The following GRM6 variants were observed in gnomAD, a reference collection of about 807,000 sequenced individuals.
GRM6 encodes the protein metabotropic glutamate receptor 6.
A neutral mutation model predicts 78.4 loss-of-function variants in GRM6; 73 were observed. That is an observed-to-expected ratio of 0.93 (90% CI 0.77 to 1.13). GRM6 has a LOEUF of 1.13. Among genes scored for constraint, GRM6 ranks in the 50% most tolerant of loss-of-function variants. GRM6 has a pLI of 0.00. For missense variants in GRM6, 1,251 were observed against 1,256.4 expected (o/e 1.00, Z 0.07); for synonymous variants, 580 against 555.0 (o/e 1.05, Z -0.63).
rs1456149540 is a variant in GRM6, at chr5:178,988,212, A to G, written c.1354+723T>C. On this transcript the variant is annotated intron_variant, in intron 7 of 10. Transcript: ENST00000517717. This position sits in a 1 kb window ranked among gnomAD's most constrained non-coding sequence, Gnocchi z 6.0. ...AGACACGGAGAGAGGTCTGAGTGAC[A>G]GTATGAAATTGGAATGACTTGAACA... Among the ~76,000 whole-genome samples the G allele has an allele frequency of 1.3e-5, 2 of 152,202 alleles. No homozygotes were observed. Among genetic ancestry groups the G allele is most frequent in the Non-Finnish European group, 2.9e-5 (2 of 68,040 alleles).
rs889440821 is a variant in GRM6, at chr5:178,992,951, G to A, written c.505-868C>T. Among the ~76,000 whole-genome samples the A allele has an allele frequency of 1.1e-4, 17 of 152,212 alleles. No individual in the cohort carries two copies. Among genetic ancestry groups the A allele is most frequent in the Admixed American group, 3.3e-4 (5 of 15,292 alleles). ...AGAGAAACAACTGAGGAGACCGAGA[G>A]ACGAGAAAGGCCCAGTGGCCACAGC... On this transcript the variant is annotated intron_variant, in intron 2 of 10. Transcript: ENST00000517717. The surrounding 1 kb of genome is among the most constrained non-coding windows in gnomAD (Gnocchi z 4.9).
At chr5:178,985,776 T>G in intron 9 of GRM6, 1 of 485,182 alleles carries the variant, frequency 2.1e-6, no homozygotes, top group Non-Finnish European at 4.0e-6. Flanking sequence ...TATCTTTTTG[T>G]TTTGAGACAG....
Position 178,992,036 on chromosome 5 carries a change from G to A in GRM6, c.552C>T (p.Ser184=), listed in dbSNP as rs1760686789. ...CCCGGGAGAAGAAGTCATAGCGTGT[G>A]GAGTCGCTGAGCTCCGGGGCTGTGG... ...YASTAPELSD[S]TRYDFFSRVV... Residue 184 remains serine, a synonymous_variant, in exon 3 of 11, where the codon TCC becomes TCT. Coordinates refer to ENST00000517717, the MANE Select transcript of GRM6 (RefSeq NM_000843.4). The surrounding 1 kb of genome is among the most constrained non-coding windows in gnomAD (Gnocchi z 4.9). The A allele has an allele frequency of 1.9e-6, 3 of 1,614,084 alleles. No individual in the cohort carries two copies. The highest frequency in any genetic ancestry group is 4.5e-5 in the East Asian group (2 of 44,872).
Position 178,981,603 on chromosome 5 carries a change from G to T in GRM6, c.*54C>A. 1 of 1,394,616 alleles carries T rather than the reference G, an allele frequency of 7.2e-7. No homozygotes were observed. The highest frequency in any genetic ancestry group is 1.0e-6 in the Non-Finnish European group (1 of 983,004). 86.4% of individuals were successfully genotyped at this position (1,394,616 alleles called of 1,614,324 possible). A position where few individuals can be genotyped will look rare whatever the true frequency, so the allele number is the denominator to read the frequency against. On this transcript the variant is annotated 3_prime_UTR_variant, in exon 11 of 11. Transcript: ENST00000517717. This position sits in a 1 kb window ranked among gnomAD's most constrained non-coding sequence, Gnocchi z 5.1. ...CCGGGCTCTATACAGCTTCCACCTCGAGGCAAGAGGAAGAAAGGAGAGGCA... is the reference window on the plus strand; with the variant it reads ...CCGGGCTCTATACAGCTTCCACCTCTAGGCAAGAGGAAGAAAGGAGAGGCA...
rs115500123 is a variant in GRM6, at chr5:178,991,214, C to T, written c.857+210G>A. ...TGTAAACACAGACACATGTTCTGTG[C>T]GCTATTCAGTCTGGGCTTGTGGCAT... On this transcript the variant is annotated intron_variant, in intron 4 of 10. Coordinates refer to ENST00000517717, the MANE Select transcript of GRM6 (RefSeq NM_000843.4). This position sits in a 1 kb window ranked among gnomAD's most constrained non-coding sequence, Gnocchi z 5.0. Among the ~76,000 whole-genome samples, 1 of 152,080 alleles carries T rather than the reference C, an allele frequency of 6.6e-6. No individual in the cohort carries two copies. The highest frequency in any genetic ancestry group is 2.1e-4 in the South Asian group (1 of 4,822).
chr5:178,985,671 C>A (rs1223127997), intron 9 of GRM6: 6 of 401,382 alleles, frequency 1.5e-5, no homozygotes, highest in African/African-American at 2.2e-5. Context: ...CCACTGCACT[C>A]CAGCCTGGGC....
rs150784083 is a variant in GRM6 at position 178,981,954 on chromosome 5, G to C, written c.2437-100C>G. On this transcript the variant is annotated intron_variant, in intron 10 of 10. Coordinates refer to ENST00000517717, the MANE Select transcript of GRM6 (RefSeq NM_000843.4). This position sits in a 1 kb window ranked among gnomAD's most constrained non-coding sequence, Gnocchi z 5.1. ...ATACTCTGGAGCTGAGTCTGTTTCA[G>C]TTGGGGAACTGGGAATGAGCACTTA... 1.3e-3 allele frequency: 1,127 copies of C among 863,594 alleles called. 9 individuals are homozygous for C. The African/African-American group carries it at 0.016, about 12-fold the overall frequency. 53.5% of individuals were successfully genotyped at this position (863,594 alleles called of 1,614,324 possible). A position where few individuals can be genotyped will look rare whatever the true frequency, so the allele number is the denominator to read the frequency against.
In GRM6 at chr5:178,989,344, G is replaced by A. The variant is rs766159619; in HGVS notation, c.1074C>T (p.Ala358=). The A allele has an allele frequency of 3.2e-5, 52 of 1,613,704 alleles. No individual in the cohort carries two copies. The African/African-American group carries it at 3.9e-4, about 12-fold the overall frequency. The part of the protein sequence containing the change: ...LENNRRNIWF[A]EFWEENFNCK... ...AGTTAAAATTCTCTTCCCAGAACTCGGCGAACCAGATGTTCCTGCGGTTGT... is the reference window on the plus strand; with the variant it reads ...AGTTAAAATTCTCTTCCCAGAACTCAGCGAACCAGATGTTCCTGCGGTTGT... Residue 358 remains alanine, a synonymous_variant, in exon 6 of 11, where the codon GCC becomes GCT. Coordinates refer to ENST00000517717, the MANE Select transcript of GRM6 (RefSeq NM_000843.4).
rs1341522728 is a variant in GRM6, at chr5:178,992,353, G to A, written c.505-270C>T. The A allele has an allele frequency of 6.6e-6, 4 of 602,746 alleles. No homozygotes were observed. The highest frequency in any genetic ancestry group is 1.2e-5 in the Non-Finnish European group (4 of 321,038). The allele number at this position is 602,746 out of a possible 1,614,324, so 37.3% of individuals were successfully genotyped here. On this transcript the variant is annotated intron_variant, in intron 2 of 10. Coordinates refer to ENST00000517717, the MANE Select transcript of GRM6 (RefSeq NM_000843.4). This position sits in a 1 kb window ranked among gnomAD's most constrained non-coding sequence, Gnocchi z 4.9. ...GGTATGCAGGGCTGGGGAGAGGGCA[G>A]GACCGCCACATATACTGGTACAAGC...
Position 178,988,754 on chromosome 5 carries a change from A to G in GRM6, c.1354+181T>C, listed in dbSNP as rs927489588. On this transcript the variant is annotated intron_variant, in intron 7 of 10. Transcript: ENST00000517717. This position sits in a 1 kb window ranked among gnomAD's most constrained non-coding sequence, Gnocchi z 6.0. ...AGGGAACACTGAAGCCTGGGGAGGG[A>G]GCAGTGTTAAAAATTGGGGACCGGA... is the stretch of plus-strand genomic sequence containing the variant. 6.6e-6 allele frequency among the ~76,000 whole-genome samples: 1 copy of G among 152,050 alleles called. No individual in the cohort carries two copies. Among genetic ancestry groups the G allele is most frequent in the Non-Finnish European group, 1.5e-5 (1 of 67,996 alleles).
In GRM6 at chr5:178,988,825, A is replaced by G. The variant is rs1760614161; in HGVS notation, c.1354+110T>C. ...ACTCAGCCCCAGGCACCCCCATTAG[A>G]CCACTCAGCCTCACCCAGCCCTTCC... On this transcript the variant is annotated intron_variant, in intron 7 of 10. Transcript: ENST00000517717. This position sits in a 1 kb window ranked among gnomAD's most constrained non-coding sequence, Gnocchi z 6.0. The G allele has an allele frequency of 2.3e-6, 2 of 860,590 alleles. No homozygotes were observed. The highest frequency in any genetic ancestry group is 2.1e-5 in the Admixed American group (1 of 47,938). The allele number at this position is 860,590 out of a possible 1,614,324, so 53.3% of individuals were successfully genotyped here.
rs1251409179 is a variant in GRM6, at chr5:178,989,574, CGTGGCCAGGTGAGCTAGGA to C, written c.1013-188_1013-170del. On this transcript the variant is annotated intron_variant, in intron 5 of 10. Transcript: ENST00000517717. ...GCTAGGAGTGGCCAGGTGAGTTAGGCGTGGCCAGGTGAGCTAGGAGTGGCCAGGTGAGCTAGGCGTGGCC... is the reference window on the plus strand; with the variant it reads ...GCTAGGAGTGGCCAGGTGAGTTAGGCGTGGCCAGGTGAGCTAGGCGTGGCC... Among the ~76,000 whole-genome samples the C allele has an allele frequency of 2.2e-4, 33 of 150,426 alleles. 1 individual carries two copies. The highest frequency in any genetic ancestry group is 7.1e-4 in the African/African-American group (29 of 40,706).
intron 5 of GRM6, chr5:178,990,215 T>TG (rs1350967229): frequency 3.2e-6 from 1 of 312,322 alleles, no homozygotes; most frequent in Non-Finnish European, 6.2e-6. Context: ...CAGGTAGGAC[T>TG]GGGGGTGCAG....
chr5:178,987,644 G>A (rs1024341793), intron 7 of GRM6, among the ~76,000 whole-genome samples: 4 of 152,222 alleles, frequency 2.6e-5, no homozygotes, highest in African/African-American at 9.6e-5. Flanking sequence ...GGCGGTTGCA[G>A]GTGCTGGCGG....
chr5:178,989,206 TC>T, intron 6 of GRM6, 58 bp downstream of exon 6: 1 of 218,580 alleles, frequency 4.6e-6, no homozygotes, highest in Non-Finnish European at 6.5e-6. Flanking sequence ...GCCTTCCCCC[TC>T]CCCACCCTCA....
At chr5:178,990,170 G>C (rs1760645543) in intron 5 of GRM6, 1 of 268,044 alleles carries the variant, frequency 3.7e-6, no homozygotes, top group Non-Finnish European at 7.3e-6. Flanking sequence ...ATTGTAAAGT[G>C]AGCCATCTGT....
Position 178,984,279 on chromosome 5 carries a change from GGAGC to G in GRM6, c.2125-1062_2125-1059del, listed in dbSNP as rs375992449. ...ACAGATGCCGCAGCCCGTGGAGTGG[GGAGC>G]GAGCGAGCACGCCTCACTCGGAACG... On this transcript the variant is annotated intron_variant, in intron 9 of 10. Transcript: ENST00000517717. Among the ~76,000 whole-genome samples the G allele has an allele frequency of 5.1e-3, 567 of 111,978 alleles. 3 individuals are homozygous for G. Among genetic ancestry groups the G allele is most frequent in the African/African-American group, 0.013 (523 of 38,814 alleles). 73.5% of individuals were successfully genotyped at this position (111,978 alleles called of 152,430 possible). A position where few individuals can be genotyped will look rare whatever the true frequency, so the allele number is the denominator to read the frequency against.
chr5:178,983,545 C>G (rs1324412373), intron 9 of GRM6: 1 of 532,830 alleles, frequency 1.9e-6, no homozygotes, highest in African/African-American at 1.9e-5. Flanking sequence ...CTAGCCATTA[C>G]CAATGCCATT....
Position 178,994,861 on chromosome 5 carries a change from G to A in GRM6, c.84C>T (p.Arg28=), listed in dbSNP as rs1581900424. 5.0e-6 allele frequency: 6 copies of A among 1,207,568 alleles called. No individual in the cohort carries two copies. The East Asian group carries it at 2.4e-4, about 48-fold the overall frequency. 74.8% of individuals were successfully genotyped at this position (1,207,568 alleles called of 1,614,324 possible). The change falls in exon 2 of 11, where the codon CGC becomes CGT. Residue 28 remains arginine (R), a synonymous_variant. Coordinates refer to ENST00000517717, the MANE Select transcript of GRM6 (RefSeq NM_000843.4). Reference sequence around the variant, plus strand: ...CCGCCAGGCGCACAGAGCCCGCCGCGCGCGCCAGGCCCGCCTGCGCCAGCC... The same window carrying A: ...CCGCCAGGCGCACAGAGCCCGCCGCACGCGCCAGGCCCGCCTGCGCCAGCC... The part of the protein sequence containing the change: ...LAWLAQAGLA[R]AAGSVRLAGG...
Sources: gnomAD v4.1 joint callset for allele counts (sites outside exome capture counted in the v4.1 genomes callset) on GRCh38, gnomAD v4.1.1 for gene constraint, Gnocchi (gnomAD v3.1) non-coding constraint, MANE v1.5 for transcripts, NCBI Gene and HGNC (gene_info 2026-07-23, HGNC 2026-07-21) for gene names.